The following WFDC1 variants were observed in gnomAD, a reference collection of about 807,000 sequenced individuals.
The protein encoded by WFDC1 is WAP four-disulfide core domain protein 1.
In WFDC1, 39 loss-of-function variants were observed where a neutral mutation model predicts 32.9. The observed-to-expected ratio is 1.19, with a 90% CI of 0.92 to 1.55. WFDC1 has a LOEUF of 1.55. Among genes scored for constraint, WFDC1 ranks in the 40% most tolerant of loss-of-function variants. The probability of loss-of-function intolerance (pLI) is 0.00; values close to 1 mark genes in which losing one functional copy is unlikely to be tolerated. For synonymous variants in WFDC1, 184 were observed against 137.4 expected (o/e 1.34, Z -2.37); for missense variants, 386 against 309.5 (o/e 1.25, Z -1.85).
chr16:84,295,954 G>A (rs894688222), intron 1 of WFDC1: 3 of 152,336 alleles, frequency 2.0e-5, no homozygotes, highest in Admixed American at 6.5e-5. Flanking sequence ...GGGGGGCTGG[G>A]GGCAGCAAAG....
At chr16:84,301,489 C>T (rs1483212834) in intron 1 of WFDC1, among the ~76,000 whole-genome samples, 2 of 152,148 alleles carry the variant, frequency 1.3e-5, no homozygotes, top group Non-Finnish European at 2.9e-5. Context: ...CAGGTGAGCT[C>T]ACACCCTGCG....
chr16:84,327,027 C>A lies in WFDC1; in HGVS notation c.*15+72C>A, dbSNP rs116120855. ...GCCAGTGTCCTGGCAGCTTTCACCA[C>A]CAGGTTGAGGAGCAGGAGGGTGAGA... On this transcript the variant is annotated intron_variant, in intron 6 of 6. Transcript: ENST00000219454. 5,371 of 1,502,122 alleles carry A rather than the reference C, an allele frequency of 3.6e-3. 171 individuals are homozygous for A. In the African/African-American group the frequency reaches 0.064, roughly 18 times the overall value. 93.0% of individuals were successfully genotyped at this position (1,502,122 alleles called of 1,614,324 possible).
chr16:84,316,741 G>A (rs1907972066), intron 2 of WFDC1: 1 of 152,092 alleles, frequency 6.6e-6, no homozygotes, highest in South Asian at 2.1e-4. Flanking sequence ...ACTTTGGGAG[G>A]GCAAGGCGGG....
chr16:84,313,939 G>A (rs1907800513), intron 2 of WFDC1, among the ~76,000 whole-genome samples: 1 of 152,200 alleles, frequency 6.6e-6, no homozygotes, highest in Non-Finnish European at 1.5e-5. Flanking sequence ...CTACTTGGGA[G>A]ACTGAGGCAG....
chr16:84,311,594 T>G (rs1312696067), intron 1 of WFDC1, among the ~76,000 whole-genome samples: 1 of 138,690 alleles, frequency 7.2e-6, no homozygotes, highest in Non-Finnish European at 1.5e-5. Flanking sequence ...AGTAGTGCGA[T>G]CACAGCTCAC....
At chr16:84,328,497 G>C (rs2151381986) in intron 6 of WFDC1, 1 of 152,360 alleles carries the variant, frequency 6.6e-6, no homozygotes, top group East Asian at 1.9e-4. Flanking sequence ...GGAGCCCGTA[G>C]GGACTGATGC....
At chr16:84,322,145 C>CTGTGTGTG (rs751867533) in intron 4 of WFDC1, among the ~76,000 whole-genome samples, 1,231 of 109,430 alleles carry the variant, frequency 0.011, 16 homozygotes, top group Admixed American at 0.021. Context: ...GCCTCAGAGC[C>CTGTGTGTG]TGTGTGTGTG....
intron 1 of WFDC1, among the ~76,000 whole-genome samples, chr16:84,297,662 A>T (rs537663773): frequency 4.1e-4 from 62 of 150,364 alleles, no homozygotes; most frequent in African/African-American, 1.5e-3. Flanking sequence ...GCCTCAGAGA[A>T]AGCCCTGGGC....
chr16:84,310,572 A>G (rs929367464), intron 1 of WFDC1, among the ~76,000 whole-genome samples: 3 of 152,040 alleles, frequency 2.0e-5, no homozygotes, highest in Non-Finnish European at 1.5e-5. Flanking sequence ...TCAGCTTTAC[A>G]CCCTATTCTT....
intron 4 of WFDC1, among the ~76,000 whole-genome samples, chr16:84,320,815 G>A (rs1318592576): frequency 1.3e-5 from 2 of 152,148 alleles, no homozygotes; most frequent in African/African-American, 4.8e-5. Context: ...GATAATTACA[G>A]TGACCCTATT....
At chr16:84,315,867 C>T (rs1455385738) in intron 2 of WFDC1, among the ~76,000 whole-genome samples, 20 of 152,200 alleles carry the variant, frequency 1.3e-4, no homozygotes, top group Non-Finnish European at 2.9e-4. Context: ...GAGACAAGGA[C>T]TTGGGCCCAG....
intron 3 of WFDC1, chr16:84,319,162 G>C (rs1908144655): frequency 7.7e-6 from 4 of 518,702 alleles, no homozygotes; most frequent in Non-Finnish European, 1.4e-5. Context: ...TGTCTATATG[G>C]ATGTTGCTGA....
chr16:84,317,877 G>C (rs1467984609), intron 2 of WFDC1: 2 of 202,046 alleles, frequency 9.9e-6, no homozygotes, highest in African/African-American at 2.2e-5. Context: ...TAGGGACCCA[G>C]CTTCCTTCCT....
rs8057884 is a variant in WFDC1, at chr16:84,308,229, G to A, written c.145-4732G>A. Reference sequence around the variant, plus strand: ...TCAGTCTCAGGCCCTGAGGCTCCCTGGGGGCAGCTGAAAACCTCTGGCCTT... The same window carrying A: ...TCAGTCTCAGGCCCTGAGGCTCCCTAGGGGCAGCTGAAAACCTCTGGCCTT... On this transcript the variant is annotated intron_variant, in intron 1 of 6. Coordinates refer to ENST00000219454, the MANE Select transcript of WFDC1 (RefSeq NM_021197.4). 9.3e-3 allele frequency among the ~76,000 whole-genome samples: 1,402 copies of A among 151,016 alleles called. 26 individuals carry two copies. Among genetic ancestry groups the A allele is most frequent in the African/African-American group, 0.033 (1,327 of 40,428 alleles).
intron 1 of WFDC1, among the ~76,000 whole-genome samples, chr16:84,299,573 C>T (rs1342261654): frequency 2.0e-5 from 3 of 152,182 alleles, no homozygotes; most frequent in Non-Finnish European, 2.9e-5. Flanking sequence ...ATTTACTGAG[C>T]GCTTACACTG....
At chr16:84,295,397 G>A in intron 1 of WFDC1, 1 of 497,374 alleles carries the variant, frequency 2.0e-6, no homozygotes, top group Non-Finnish European at 3.5e-6. Flanking sequence ...GCTTGCTCCT[G>A]AAAGACAGCA....
At chr16:84,327,808 C>G (rs1180398520) in intron 6 of WFDC1, 1 of 152,232 alleles carries the variant, frequency 6.6e-6, no homozygotes, top group African/African-American at 2.4e-5. Context: ...TGGGTGCCAA[C>G]TATCTGATAG....
chr16:84,308,281 C>A (rs1403144839), intron 1 of WFDC1, among the ~76,000 whole-genome samples: 2 of 152,158 alleles, frequency 1.3e-5, no homozygotes, highest in African/African-American at 2.4e-5. Context: ...CCCAGGGGCA[C>A]CCGGCCCGGA....
chr16:84,310,626 T>C (rs56277922), intron 1 of WFDC1, among the ~76,000 whole-genome samples: 6,701 of 152,278 alleles, frequency 0.044, 187 homozygotes, highest in Middle Eastern at 0.082. Flanking sequence ...TGTGATCTTG[T>C]GTATCCTTCC....
Sources: gnomAD v4.1 joint callset for allele counts (sites outside exome capture counted in the v4.1 genomes callset) on GRCh38, gnomAD v4.1.1 for gene constraint, MANE v1.5 for transcripts, NCBI Gene and HGNC (gene_info 2026-07-23, HGNC 2026-07-21) for gene names.